ENO4: variants seen among roughly 807,000 people sequenced by gnomAD.
ENO4 encodes the protein enolase 4, also known as 2-phospho-D-glycerate hydro-lyase.
ENO4 carries 53 observed loss-of-function variants against 63.2 expected under a neutral mutation model. The ratio of observed to expected loss-of-function variants is 0.84; its 90% CI spans 0.67 to 1.05. The LOEUF (loss-of-function observed/expected upper bound fraction) is 1.05, where lower values mean the gene tolerates loss of function less well. ENO4 is among the 50% of genes least tolerant of loss of function. The probability of loss-of-function intolerance (pLI) is 0.00; values close to 1 mark genes in which losing one functional copy is unlikely to be tolerated. For missense variants in ENO4, 719 were observed against 772.0 expected (o/e 0.93, Z 0.81); for synonymous variants, 266 against 283.8 (o/e 0.94, Z 0.63).
In ENO4 at chr10:116,849,700, A is replaced by G. The variant is rs1231202351; in HGVS notation, c.134A>G (p.Tyr45Cys). 2 of 1,540,098 alleles carry G rather than the reference A, an allele frequency of 1.3e-6. No homozygotes were observed. Among genetic ancestry groups the G allele is most frequent in the Non-Finnish European group, 1.8e-6 (2 of 1,141,726 alleles). The change falls in exon 1 of 14, where the codon TAC (tyrosine) becomes TGC (cysteine). Residue 45 changes from tyrosine (Y) to cysteine (C), a missense_variant. By Grantham distance (194) the Tyr-to-Cys change is radical (BLOSUM62 -2). Coordinates refer to ENST00000341276, the MANE Select transcript of ENO4 (RefSeq NM_001242699.2). ...RLEELLNSTF[Y>C]LQPADVYGHL... ...GAAGAGCTGCTCAACTCCACCTTCTACCTCCAGCCTGCCGACGTCTACGGG... is the reference window on the plus strand; with the variant it reads ...GAAGAGCTGCTCAACTCCACCTTCTGCCTCCAGCCTGCCGACGTCTACGGG...
chr10:116,855,617 T>C lies in ENO4; in HGVS notation c.166-6T>C. On this transcript the variant is annotated splice_region_variant and splice_polypyrimidine_tract_variant and intron_variant, in intron 1 of 13. Coordinates refer to ENST00000341276, the MANE Select transcript of ENO4 (RefSeq NM_001242699.2). ...GATGATTTTTGTTCTTTTGTGTGTGTTGAAGGCAAACTGCTTTTCTAAACT... is the reference window on the plus strand; with the variant it reads ...GATGATTTTTGTTCTTTTGTGTGTGCTGAAGGCAAACTGCTTTTCTAAACT... 14 of 1,536,142 alleles carry C rather than the reference T, an allele frequency of 9.1e-6. No individual in the cohort carries two copies. Among genetic ancestry groups the C allele is most frequent in the Non-Finnish European group, 1.1e-5 (13 of 1,146,868 alleles).
In ENO4 at chr10:116,849,534, G is replaced by A; in HGVS notation, c.-33G>A. 2 of 1,488,274 alleles carry A rather than the reference G, an allele frequency of 1.3e-6. No homozygotes were observed. Among genetic ancestry groups the A allele is most frequent in the South Asian group, 2.7e-5 (2 of 72,852 alleles). The allele number at this position is 1,488,274 out of a possible 1,614,324, so 92.2% of individuals were successfully genotyped here. A position where few individuals can be genotyped will look rare whatever the true frequency, so the allele number is the denominator to read the frequency against. ...AGCAGGGACGCTCGTGGGACCCCAG[G>A]CTAAACCCCGCTGTAGCCTTAAATC... On this transcript the variant is annotated 5_prime_UTR_variant, in exon 1 of 14. Transcript: ENST00000341276.
intron 9 of ENO4, among the ~76,000 whole-genome samples, chr10:116,871,983 G>T (rs1384020068): frequency 6.6e-6 from 1 of 152,198 alleles, no homozygotes; most frequent in East Asian, 1.9e-4. Context: ...GATCACCTGA[G>T]GTCAGGAGTT....
chr10:116,863,027 GC>G (rs1210225083), intron 7 of ENO4, among the ~76,000 whole-genome samples, 175 bp downstream of exon 7: 1 of 152,196 alleles, frequency 6.6e-6, no homozygotes, highest in Non-Finnish European at 1.5e-5. Context: ...TATGGATCCA[GC>G]CTCTAATGGT....
chr10:116,869,212 G>A (rs1359148040), intron 8 of ENO4, among the ~76,000 whole-genome samples: 6 of 152,268 alleles, frequency 3.9e-5, no homozygotes, highest in South Asian at 4.2e-4. Context: ...GTCAAAACCC[G>A]TTCGCTGGCT....
intron 13 of ENO4, among the ~76,000 whole-genome samples, chr10:116,881,147 C>T (rs1030839967): frequency 3.9e-5 from 6 of 152,172 alleles, no homozygotes; most frequent in Admixed American, 1.3e-4. Context: ...GAATGGTCCT[C>T]GCCTGCCATC....
chr10:116,875,713 T>G (rs1174982268), intron 10 of ENO4, among the ~76,000 whole-genome samples: 2 of 152,226 alleles, frequency 1.3e-5, no homozygotes, highest in Non-Finnish European at 2.9e-5. Flanking sequence ...TTTCTGTTTA[T>G]CAGAAATATC....
chr10:116,911,383 G>A, intron 10 of ENO4: 1 of 1,346,596 alleles, frequency 7.4e-7, no homozygotes, highest in South Asian at 1.5e-5. Context: ...GAAGCTATTT[G>A]GGGAGGAATT....
intron 10 of ENO4, among the ~76,000 whole-genome samples, chr10:116,910,347 G>A (rs886901202): frequency 5.3e-5 from 8 of 152,150 alleles, no homozygotes; most frequent in African/African-American, 1.9e-4. Flanking sequence ...ATAGATCCAA[G>A]GCAAGAAGGA....
At chr10:116,863,756 C>A (rs1366443952) in intron 7 of ENO4, among the ~76,000 whole-genome samples, 2 of 152,148 alleles carry the variant, frequency 1.3e-5, no homozygotes, top group Admixed American at 1.3e-4. Flanking sequence ...CCTCCCCTGC[C>A]GCGATGGTGG....
Position 116,871,122 on chromosome 10 carries a change from C to T in ENO4, c.1048-3C>T, listed in dbSNP as rs1298745506. ...CATGGATCATTGTCTCTTGATCTTG[C>T]AGCAGCAGATCACTGGCAAGATGTC... is the stretch of plus-strand genomic sequence containing the variant. On this transcript the variant is annotated splice_polypyrimidine_tract_variant and splice_region_variant and intron_variant, in intron 8 of 13. Coordinates refer to ENST00000341276, the MANE Select transcript of ENO4 (RefSeq NM_001242699.2). The T allele has an allele frequency of 6.5e-7, 1 of 1,549,740 alleles. No homozygotes were observed. The highest frequency in any genetic ancestry group is 2.0e-5 in the Admixed American group (1 of 50,980).
At chr10:116,876,912 C>T (rs1286971864) in intron 11 of ENO4, among the ~76,000 whole-genome samples, 1 of 152,096 alleles carries the variant, frequency 6.6e-6, no homozygotes, top group Non-Finnish European at 1.5e-5. Flanking sequence ...GATCGCGCCA[C>T]TGCACTCCAG....
At chr10:116,857,047 C>T (rs1846285165) in intron 3 of ENO4, among the ~76,000 whole-genome samples, 1 of 151,746 alleles carries the variant, frequency 6.6e-6, no homozygotes, top group Admixed American at 6.6e-5. Flanking sequence ...TTCCATTTCA[C>T]CTGCCAATAA....
In ENO4 at chr10:116,861,017, G is replaced by A; in HGVS notation, c.805-42G>A. The A allele has an allele frequency of 2.0e-6, 3 of 1,536,892 alleles. No individual in the cohort carries two copies. In the South Asian group the frequency reaches 3.7e-5, roughly 19 times the overall value. ...GAGCCATGAGTATCTCAATATGGATGAACCCTGTTTCTCATTTTCCCTCGT... is the reference window on the plus strand; with the variant it reads ...GAGCCATGAGTATCTCAATATGGATAAACCCTGTTTCTCATTTTCCCTCGT... On this transcript the variant is annotated intron_variant, in intron 5 of 13. Coordinates refer to ENST00000341276, the MANE Select transcript of ENO4 (RefSeq NM_001242699.2).
At chr10:116,911,532 G>A in exon 11 of ENO4, 1 of 1,550,564 alleles carries the variant, frequency 6.4e-7, no homozygotes, top group Non-Finnish European at 8.7e-7. Context: ...GCCAGGATTG[G>A]AGGGCAAGAA....
chr10:116,900,795 T>C lies in ENO4; in HGVS notation c.1195-10704T>C, dbSNP rs192995826. 4 of 985,368 alleles carry C rather than the reference T, an allele frequency of 4.1e-6. No homozygotes were observed. In the East Asian group the frequency reaches 4.5e-4, roughly 112 times the overall value. The allele number at this position is 985,368 out of a possible 1,614,324, so 61.0% of individuals were successfully genotyped here. On this transcript the variant is annotated intron_variant, in intron 10 of 10. Transcript: ENST00000369207. ...ACATGACTACAGGAGAAAATGTGCT[T>C]TTAAACACAGTGAAATTAGATAAAA...
At chr10:116,911,376 G>A in intron 10 of ENO4, 1 of 1,305,406 alleles carries the variant, frequency 7.7e-7, no homozygotes, top group Non-Finnish European at 1.0e-6. Flanking sequence ...CTGATATGAA[G>A]CTATTTGGGG....
chr10:116,855,909 G>A (rs768492008), intron 2 of ENO4, among the ~76,000 whole-genome samples, 158 bp downstream of exon 2: 2 of 152,148 alleles, frequency 1.3e-5, no homozygotes, highest in Non-Finnish European at 2.9e-5. Context: ...CATCAACCAT[G>A]ATGGCTTTAT....
At position 116,860,792 on chromosome 10, in the gene ENO4, A is replaced by G; in HGVS notation, c.635-2A>G. ...TCTTACTCTCAATATTTCTCCCTCC[A>G]GGGAGGAAGGATACTATTACAGAGA... On this transcript the variant is annotated splice_acceptor_variant, in intron 4 of 13. Transcript: ENST00000341276. LOFTEE classifies it high-confidence loss of function. The G allele has an allele frequency of 2.0e-6, 3 of 1,479,458 alleles. No homozygotes were observed. The South Asian group carries it at 4.1e-5, about 20-fold the overall frequency. The allele number at this position is 1,479,458 out of a possible 1,614,324, so 91.6% of individuals were successfully genotyped here. A position where few individuals can be genotyped will look rare whatever the true frequency, so the allele number is the denominator to read the frequency against.
Sources: gnomAD v4.1 joint callset for allele counts (sites outside exome capture counted in the v4.1 genomes callset) on GRCh38, gnomAD v4.1.1 for gene constraint, MANE v1.5 for transcripts, NCBI Gene and HGNC (gene_info 2026-07-23, HGNC 2026-07-21) for gene names.